Variants in SERPINA3 observed in about 807,000 individuals in gnomAD.
The protein encoded by SERPINA3 is serpin family A member 3.
A neutral mutation model predicts 26.8 loss-of-function variants in SERPINA3; 32 were observed. That is an observed-to-expected ratio of 1.20 (90% CI 0.90 to 1.61). SERPINA3 has a LOEUF of 1.61. Ranked by LOEUF, SERPINA3 falls within the 40% of genes most tolerant of loss-of-function variation. The probability of loss-of-function intolerance (pLI) is 0.00; values close to 1 mark genes in which losing one functional copy is unlikely to be tolerated. For missense variants in SERPINA3, 632 were observed against 517.9 expected (o/e 1.22, Z -2.14); for synonymous variants, 252 against 206.4 (o/e 1.22, Z -1.89).
chr14:94,614,356 C>A, intron 1 of SERPINA3, 78 bp from the exon 2 acceptor site: 1 of 1,459,150 alleles, frequency 6.9e-7, no homozygotes, highest in Non-Finnish European at 9.5e-7. Flanking sequence ...GACCAGGACG[C>A]AGGCTGGGTG....
Position 94,615,086 on chromosome 14 carries a change from T to A in SERPINA3, c.643+2T>A, listed in dbSNP as rs112698573. 3 of 1,613,616 alleles carry A rather than the reference T, an allele frequency of 1.9e-6. No homozygotes were observed. The South Asian group carries it at 3.3e-5, about 18-fold the overall frequency. On this transcript the variant is annotated splice_donor_variant, in intron 2 of 4. Coordinates refer to ENST00000393078, the MANE Select transcript of SERPINA3 (RefSeq NM_001085.5). LOFTEE classifies it high-confidence loss of function. The stretch of plus-strand genomic sequence containing the variant: ...TGGTGAATTACATCTTCTTTAAAGG[T>A]GAGTGTGCCTGGCTTGGGGTTCAGA...
rs1266735796 is a variant in SERPINA3 at position 94,612,440 on chromosome 14, T to C, written c.-16T>C. On this transcript the variant is annotated 5_prime_UTR_variant, in exon 1 of 5. Coordinates refer to ENST00000393078, the MANE Select transcript of SERPINA3 (RefSeq NM_001085.5). ...AATCCACCAGCTACATCCAGCTCCC[T>C]GAGGCAGGTAATCCATGATGTTTTA... The C allele has an allele frequency of 4.4e-6, 6 of 1,364,102 alleles. No homozygotes were observed. In the South Asian group the frequency reaches 5.7e-5, roughly 13 times the overall value. 84.5% of individuals were successfully genotyped at this position (1,364,102 alleles called of 1,614,324 possible). A position where few individuals can be genotyped will look rare whatever the true frequency, so the allele number is the denominator to read the frequency against.
In SERPINA3 at chr14:94,623,648, G is replaced by T; in HGVS notation, c.1106G>T (p.Gly369Val). Reference protein sequence around the residue: ...HKAVLDVFEEGTEASAATAVK... With the variant: ...HKAVLDVFEEVTEASAATAVK... ...GCTGTGCTTGATGTATTTGAGGAGG[G>T]CACAGAAGCATCTGCTGCCACAGCA... The change falls in exon 5 of 5, where the codon GGC (glycine) becomes GTC (valine). Residue 369 changes from glycine (G) to valine (V), a missense_variant. Physicochemically the swap from Gly to Val is moderately radical, Grantham distance 109. Transcript: ENST00000393078. 6.2e-7 allele frequency: 1 copy of T among 1,614,116 alleles called. No homozygotes were observed. Among genetic ancestry groups the T allele is most frequent in the Non-Finnish European group, 8.5e-7 (1 of 1,180,010 alleles).
intron 2 of SERPINA3, among the ~76,000 whole-genome samples, chr14:94,617,010 A>G (rs1886029600): frequency 6.6e-6 from 1 of 152,136 alleles, no homozygotes; most frequent in South Asian, 2.1e-4. Flanking sequence ...TCTGGCATAC[A>G]AGGCAGCAGT....
rs114570345 is a variant in SERPINA3 at position 94,623,436 on chromosome 14, A to G, written c.1069-175A>G. ...GTCTCCATTTGCACATCTAGGCATCAGGACTGTGCAAAACTAGTTGGCAGG... is the reference window on the plus strand; with the variant it reads ...GTCTCCATTTGCACATCTAGGCATCGGGACTGTGCAAAACTAGTTGGCAGG... On this transcript the variant is annotated intron_variant, in intron 4 of 4. Coordinates refer to ENST00000393078, the MANE Select transcript of SERPINA3 (RefSeq NM_001085.5). Among the ~76,000 whole-genome samples, 941 of 152,290 alleles carry G rather than the reference A, an allele frequency of 6.2e-3. 14 individuals carry two copies. Among genetic ancestry groups the G allele is most frequent in the African/African-American group, 0.021 (891 of 41,558 alleles).
chr14:94,612,506 T>C, intron 1 of SERPINA3, 59 bp downstream of exon 1: 3 of 1,106,564 alleles, frequency 2.7e-6, no homozygotes, highest in Non-Finnish European at 3.8e-6. Context: ...AGGAGAGTTT[T>C]AGGCAGCAGC....
intron 3 of SERPINA3, among the ~76,000 whole-genome samples, chr14:94,621,026 A>G (rs1175222797): frequency 6.6e-6 from 1 of 152,140 alleles, no homozygotes; most frequent in East Asian, 1.9e-4. Context: ...CCGGTGAGGT[A>G]TTGTATGTTG....
intron 3 of SERPINA3, among the ~76,000 whole-genome samples, chr14:94,621,189 A>G (rs867112359): frequency 2.0e-5 from 3 of 152,232 alleles, no homozygotes; most frequent in Non-Finnish European, 4.4e-5. Flanking sequence ...AGACCCCAGA[A>G]CGTGGGGGTC....
intron 1 of SERPINA3, 153 bp from the exon 2 acceptor site, chr14:94,614,281 T>C (rs1055380098): frequency 3.6e-5 from 25 of 689,242 alleles, no homozygotes; most frequent in Non-Finnish European, 4.9e-5. Context: ...GTGATGTGTG[T>C]CGGGTGCCCC....
chr14:94,615,727 G>A (rs932063343), intron 2 of SERPINA3, among the ~76,000 whole-genome samples: 1 of 152,252 alleles, frequency 6.6e-6, no homozygotes, highest in African/African-American at 2.4e-5. Context: ...CCTCAAGGGT[G>A]GGCAGTATAC....
chr14:94,622,881 C>T, intron 4 of SERPINA3: 1 of 319,974 alleles, frequency 3.1e-6, no homozygotes, highest in Non-Finnish European at 6.1e-6. Flanking sequence ...TAGGTAATAA[C>T]AATGATTATC....
At chr14:94,622,189 A>T (rs143107719) in intron 3 of SERPINA3, 152 bp from the exon 4 acceptor site, 3 of 736,004 alleles carry the variant, frequency 4.1e-6, no homozygotes, top group Admixed American at 2.0e-5. Flanking sequence ...AAGAGTAAAG[A>T]CAGGGGTTAA....
chr14:94,622,330 T>C lies in SERPINA3; in HGVS notation c.918-11T>C, dbSNP rs1249588788. 2 of 1,614,018 alleles carry C rather than the reference T, an allele frequency of 1.2e-6. No individual in the cohort carries two copies. The highest frequency in any genetic ancestry group is 4.5e-5 in the East Asian group (2 of 44,860). ...CAGAGGTTCAGATACTTTTTTTTTCTCGTTTTCTAGAGAGATAGGTGAGCT... is the reference window on the plus strand; with the variant it reads ...CAGAGGTTCAGATACTTTTTTTTTCCCGTTTTCTAGAGAGATAGGTGAGCT... On this transcript the variant is annotated splice_polypyrimidine_tract_variant and intron_variant, in intron 3 of 4. Transcript: ENST00000393078.
chr14:94,619,606 A>C, intron 3 of SERPINA3, 138 bp downstream of exon 3: 1 of 1,081,684 alleles, frequency 9.2e-7, no homozygotes, highest in South Asian at 1.3e-5. Context: ...TATGCTGCCT[A>C]CATGGCTTTG....
In SERPINA3 at chr14:94,614,567, G is replaced by A. The variant is rs2139953289; in HGVS notation, c.126G>A (p.Gly42=). ...ENLTQENQDR[G]THVDLGLASA... ...TGACCCAGGAGAACCAAGACCGAGG[G>A]ACACACGTGGACCTCGGATTAGCCT... is the stretch of plus-strand genomic sequence containing the variant. Residue 42 remains glycine (G), a synonymous_variant, in exon 2 of 5, where the codon GGG becomes GGA. Transcript: ENST00000393078. The A allele has an allele frequency of 6.2e-7, 1 of 1,614,126 alleles. No homozygotes were observed. Among genetic ancestry groups the A allele is most frequent in the Non-Finnish European group, 8.5e-7 (1 of 1,180,032 alleles).
chr14:94,616,569 C>CA (rs1345670791), intron 2 of SERPINA3, among the ~76,000 whole-genome samples: 51 of 152,236 alleles, frequency 3.4e-4, no homozygotes, highest in African/African-American at 1.2e-3. Flanking sequence ...TCTTCCATTG[C>CA]ACCCACTGGA....
Position 94,623,608 on chromosome 14 carries a change from C to T in SERPINA3, c.1069-3C>T, listed in dbSNP as rs1330642205. 1.2e-6 allele frequency: 2 copies of T among 1,613,802 alleles called. No homozygotes were observed. The highest frequency in any genetic ancestry group is 1.7e-4 in the Middle Eastern group (1 of 5,838). On this transcript the variant is annotated splice_polypyrimidine_tract_variant and splice_region_variant and intron_variant, in intron 4 of 4. Transcript: ENST00000393078. Reference sequence around the variant, plus strand: ...CGTGTGTAATGTTCTGCTGTCCCCACAGGTGGTCCATAAGGCTGTGCTTGA... The same window carrying T: ...CGTGTGTAATGTTCTGCTGTCCCCATAGGTGGTCCATAAGGCTGTGCTTGA...
At position 94,623,860 on chromosome 14, in the gene SERPINA3, C is replaced by A. The variant is rs746742475; in HGVS notation, c.*46C>A. On this transcript the variant is annotated 3_prime_UTR_variant, in exon 5 of 5. Transcript: ENST00000393078. ...GGCTCTCAGTAAGGAACTTGGAATG[C>A]AAGCTGGATGCCTGGGTCTCTGGGC... is the stretch of plus-strand genomic sequence containing the variant. 16 of 1,545,254 alleles carry A rather than the reference C, an allele frequency of 1.0e-5. No homozygotes were observed. Among genetic ancestry groups the A allele is most frequent in the African/African-American group, 1.4e-5 (1 of 73,522 alleles).
At chr14:94,615,608 C>G in intron 2 of SERPINA3, 1 of 341,016 alleles carries the variant, frequency 2.9e-6, no homozygotes, top group South Asian at 2.2e-5. Flanking sequence ...TGGCCACTTC[C>G]AAGATTCTAT....
Sources: gnomAD v4.1 joint callset for allele counts (sites outside exome capture counted in the v4.1 genomes callset) on GRCh38, gnomAD v4.1.1 for gene constraint, MANE v1.5 for transcripts, NCBI Gene and HGNC (gene_info 2026-07-23, HGNC 2026-07-21) for gene names.